Variants in NCOR1 observed in about 807,000 individuals in gnomAD.
The protein encoded by NCOR1 is nuclear receptor corepressor 1.
A neutral mutation model predicts 288.1 loss-of-function variants in NCOR1; 63 were observed. The observed-to-expected ratio is 0.22, with a 90% CI of 0.18 to 0.27. The LOEUF (loss-of-function observed/expected upper bound fraction) is 0.27. NCOR1 is among the 10% of genes least tolerant of loss of function. The pLI, the probability that NCOR1 is intolerant of heterozygous loss-of-function variation, is 1.00. For missense variants in NCOR1, 2,397 were observed against 3,019.2 expected, an observed-to-expected ratio of 0.79 and a Z score of 4.83; for synonymous variants, 1,007 against 1,065.9, an observed-to-expected ratio of 0.94 and a Z score of 1.08.
chr17:16,164,286 T>C (rs1172461078), intron 5 of NCOR1, among the ~76,000 whole-genome samples: 1 of 149,756 alleles, frequency 6.7e-6, no homozygotes, highest in African/African-American at 2.4e-5. Flanking sequence ...AGTCTACACT[T>C]AGAGTGAATA....
At chr17:16,044,814 C>A in intron 42 of NCOR1, 1 of 1,091,614 alleles carries the variant, frequency 9.2e-7, no homozygotes, top group Non-Finnish European at 1.4e-6. Flanking sequence ...AATGTAGGGG[C>A]TGGTGGACCT....
At position 16,098,981 on chromosome 17, in the gene NCOR1, T is replaced by C. The variant is rs140409771; in HGVS notation, c.2691-485A>G. ...TAGTTACCTGTTAGAGGATGTTTTA[T>C]TGGGATCACAGAGTATTTTTTTAAA... is the stretch of plus-strand genomic sequence containing the variant. On this transcript the variant is annotated intron_variant, in intron 20 of 45. Coordinates refer to ENST00000268712, the MANE Select transcript of NCOR1 (RefSeq NM_006311.4). Among the ~76,000 whole-genome samples the C allele has an allele frequency of 5.4e-3, 821 of 152,356 alleles. 6 individuals carry two copies. The highest frequency in any genetic ancestry group is 0.019 in the African/African-American group (778 of 41,572).
intron 10 of NCOR1, among the ~76,000 whole-genome samples, chr17:16,144,249 G>A (rs917799984): frequency 6.6e-6 from 1 of 152,130 alleles, no homozygotes; most frequent in Non-Finnish European, 1.5e-5. Flanking sequence ...GAATATGTTG[G>A]TAACGAAGGA....
At chr17:16,210,210 CCT>C (rs2091986333) in intron 1 of NCOR1, among the ~76,000 whole-genome samples, 1 of 151,518 alleles carries the variant, frequency 6.6e-6, no homozygotes, top group Non-Finnish European at 1.5e-5. Flanking sequence ...ATGGAGAAAC[CCT>C]GTCTCTACTA....
At chr17:16,161,842 A>C (rs914368533) in intron 5 of NCOR1, among the ~76,000 whole-genome samples, 7 of 152,090 alleles carry the variant, frequency 4.6e-5, no homozygotes, top group Non-Finnish European at 1.0e-4. Context: ...CATTATTTCT[A>C]ATTATTATAG....
At chr17:16,032,897 CTG>C (rs778964082) in intron 45 of NCOR1, among the ~76,000 whole-genome samples, 10 of 152,204 alleles carry the variant, frequency 6.6e-5, no homozygotes, top group Non-Finnish European at 1.0e-4. Flanking sequence ...CGTCTGCAGA[CTG>C]AGGGGCAGCA....
intron 45 of NCOR1, among the ~76,000 whole-genome samples, chr17:16,032,939 G>C (rs1972519424): frequency 6.6e-6 from 1 of 152,136 alleles, no homozygotes; most frequent in South Asian, 2.1e-4. Flanking sequence ...AATCTCACTG[G>C]GCAGATTTTA....
At chr17:16,049,747 C>T (rs12451272) in intron 40 of NCOR1, among the ~76,000 whole-genome samples, 5 of 151,868 alleles carry the variant, frequency 3.3e-5, no homozygotes, top group Non-Finnish European at 2.9e-5. Flanking sequence ...CACCATACCC[C>T]GGCTAATTTT....
intron 20 of NCOR1, chr17:16,098,703 C>T (rs756897089): frequency 5.3e-6 from 2 of 377,516 alleles, no homozygotes; most frequent in Non-Finnish European, 9.3e-6. Flanking sequence ...AACTGAATAT[C>T]GTACTCACTT....
intron 1 of NCOR1, among the ~76,000 whole-genome samples, chr17:16,213,293 C>G (rs930128238): frequency 1.3e-5 from 2 of 151,662 alleles, no homozygotes; most frequent in Non-Finnish European, 2.9e-5. Context: ...GAGATTGAGA[C>G]CATCCTGGCT....
At position 16,086,376 on chromosome 17, in the gene NCOR1, C is replaced by A. The variant is rs1199892166; in HGVS notation, c.3083G>T (p.Arg1028Leu). 7.4e-6 allele frequency: 12 copies of A among 1,613,868 alleles called. No homozygotes were observed. Among genetic ancestry groups the A allele is most frequent in the Non-Finnish European group, 1.0e-5 (12 of 1,179,978 alleles). ...LPEGVRLPTT[R>L]PTRPPPPLIP... is the part of the protein sequence containing the mutation. ...GAGAGGGGGCGGTGGCCTGGTTGGTCGAGTTGTCGGAAGCCGAACGCCTTC... is the reference window on the plus strand; with the variant it reads ...GAGAGGGGGCGGTGGCCTGGTTGGTAGAGTTGTCGGAAGCCGAACGCCTTC... The change falls in exon 23 of 46, where the codon CGA (arginine) becomes CTA (leucine). Residue 1028 changes from arginine (R) to leucine (L), a missense_variant. Transcript: ENST00000268712.
intron 15 of NCOR1, among the ~76,000 whole-genome samples, chr17:16,123,676 C>G (rs183520329): frequency 6.6e-6 from 1 of 152,188 alleles, no homozygotes; most frequent in Admixed American, 6.5e-5. Flanking sequence ...CTTCCACTAG[C>G]TATTCATGTG....
At chr17:16,130,383 C>T (rs2075400152) in intron 14 of NCOR1, among the ~76,000 whole-genome samples, 1 of 152,170 alleles carries the variant, frequency 6.6e-6, no homozygotes, top group Non-Finnish European at 1.5e-5. Flanking sequence ...CCCTCAACTC[C>T]ACAGGGTGGC....
rs2060851701 is a variant in NCOR1, at chr17:16,064,135, C to T, written c.5154G>A (p.Arg1718=). The T allele has an allele frequency of 1.2e-6, 2 of 1,613,862 alleles. No homozygotes were observed. The highest frequency in any genetic ancestry group is 8.5e-7 in the Non-Finnish European group (1 of 1,179,892). Residue 1718 remains arginine, a synonymous_variant, in exon 35 of 46, where the codon CGG becomes CGA. Transcript: ENST00000268712. ...AAASAERERE[R]EREKERERER... is the part of the protein sequence containing the mutation. Reference sequence around the variant, plus strand: ...CCCGCTCCCGCTCCTTCTCCCGCTCCCGTTCCCGTTCCCTCTCAGCACTTG... The same window carrying T: ...CCCGCTCCCGCTCCTTCTCCCGCTCTCGTTCCCGTTCCCTCTCAGCACTTG...
chr17:16,166,572 C>T (rs1176395985), intron 4 of NCOR1, among the ~76,000 whole-genome samples: 8 of 151,812 alleles, frequency 5.3e-5, no homozygotes, highest in Non-Finnish European at 7.4e-5. Flanking sequence ...CCCAGTTACT[C>T]GGGAGGCTGA....
chr17:16,202,664 T>G (rs1479791322), intron 1 of NCOR1, among the ~76,000 whole-genome samples: 1 of 152,164 alleles, frequency 6.6e-6, no homozygotes, highest in African/African-American at 2.4e-5. Context: ...CTGGTTCCAC[T>G]ATTATCTCTA....
intron 21 of NCOR1, among the ~76,000 whole-genome samples, chr17:16,095,134 G>C (rs542381155): frequency 6.6e-6 from 1 of 150,836 alleles, no homozygotes; most frequent in Admixed American, 6.6e-5. Context: ...GCCTCTTCCC[G>C]GCCGCCATCC....
At chr17:16,089,504 C>A (rs139309788) in intron 22 of NCOR1, among the ~76,000 whole-genome samples, 2 of 152,018 alleles carry the variant, frequency 1.3e-5, no homozygotes, top group African/African-American at 4.8e-5. Context: ...AACAGGCATA[C>A]CTACAGTAAT....
intron 5 of NCOR1, among the ~76,000 whole-genome samples, chr17:16,164,260 GC>G (rs1337534842): frequency 7.2e-6 from 1 of 139,344 alleles, no homozygotes; most frequent in Non-Finnish European, 1.6e-5. Context: ...AAAAAAAAAT[GC>G]ACTAAAATGC....
Sources: gnomAD v4.1 joint callset for allele counts (sites outside exome capture counted in the v4.1 genomes callset) on GRCh38, gnomAD v4.1.1 for gene constraint, MANE v1.5 for transcripts, NCBI Gene and HGNC (gene_info 2026-07-23, HGNC 2026-07-21) for gene names.